The following LSAMP variants were observed in gnomAD, a reference collection of about 807,000 sequenced individuals.
LSAMP encodes limbic system-associated membrane protein.
A neutral mutation model predicts 38.6 loss-of-function variants in LSAMP; 7 were observed. The ratio of observed to expected loss-of-function variants is 0.18; its 90% CI spans 0.10 to 0.34. LSAMP has a LOEUF of 0.34. LSAMP is among the 10% of genes least tolerant of loss of function. The pLI is 1.00. For missense variants in LSAMP, 313 were observed against 420.0 expected, an observed-to-expected ratio of 0.75 and a Z score of 2.23; for synonymous variants, 154 against 166.8, an observed-to-expected ratio of 0.92 and a Z score of 0.59.
At chr3:116,441,286 T>C (rs561762810) in intron 1 of LSAMP, among the ~76,000 whole-genome samples, 1 of 152,310 alleles carries the variant, frequency 6.6e-6, no homozygotes, top group East Asian at 1.9e-4. Flanking sequence ...ATTTAGAATA[T>C]TTAAAATCAC....
At chr3:115,837,446 C>T (rs965475001) in intron 6 of LSAMP, among the ~76,000 whole-genome samples, 18 of 119,610 alleles carry the variant, frequency 1.5e-4, no homozygotes, top group African/African-American at 4.5e-4. Flanking sequence ...CTAGACCAAA[C>T]GCTGACTACT....
At chr3:116,225,989 C>A (rs2046338046) in intron 1 of LSAMP, among the ~76,000 whole-genome samples, 1 of 152,166 alleles carries the variant, frequency 6.6e-6, no homozygotes, top group Non-Finnish European at 1.5e-5. Context: ...GTGCATCTTT[C>A]TGTCTGCTTT....
chr3:115,998,197 G>A (rs1199218487), intron 3 of LSAMP, among the ~76,000 whole-genome samples: 1 of 151,878 alleles, frequency 6.6e-6, no homozygotes. Context: ...GTGATAGAGA[G>A]TGACCAAATT....
At chr3:115,920,885 C>CGT (rs1937366350) in intron 3 of LSAMP, among the ~76,000 whole-genome samples, 2 of 148,612 alleles carry the variant, frequency 1.3e-5, no homozygotes, top group Non-Finnish European at 3.0e-5. Context: ...ATGTTGGGTG[C>CGT]ATATATATAT....
chr3:116,104,306 A>G (rs928536894), intron 1 of LSAMP, among the ~76,000 whole-genome samples: 2 of 152,172 alleles, frequency 1.3e-5, no homozygotes, highest in Non-Finnish European at 2.9e-5. Context: ...GTTAGCCCCA[A>G]GCAAGGAATA....
At chr3:116,253,119 TAAAG>T (rs1367273856) in intron 1 of LSAMP, among the ~76,000 whole-genome samples, 1 of 152,028 alleles carries the variant, frequency 6.6e-6, no homozygotes. Flanking sequence ...CCTTTCTTCA[TAAAG>T]AGAGAGCTAG....
Position 116,019,556 on chromosome 3 carries a change from C to T in LSAMP, c.473G>A (p.Arg158His), listed in dbSNP as rs868064200. ...NVTLVCMANG[R>H]PEPVITWRHL... ...TCTCCAGGTGATAACAGGTTCAGGA[C>T]GGCCATTGGCCATGCAGACCAGAGT... Residue 158 changes from arginine (R) to histidine (H), a missense_variant, in exon 3 of 7, where the codon CGT (arginine) becomes CAT (histidine). By Grantham distance (29) the Arg-to-His change is conservative. Transcript: ENST00000490035. 4 of 1,612,830 alleles carry T rather than the reference C, an allele frequency of 2.5e-6. No homozygotes were observed. The highest frequency in any genetic ancestry group is 3.4e-6 in the Non-Finnish European group (4 of 1,179,088).
Position 116,038,340 on chromosome 3 carries a change from G to A in LSAMP, c.389-18700C>T, listed in dbSNP as rs1941094337. 1.3e-5 allele frequency among the ~76,000 whole-genome samples: 2 copies of A among 152,116 alleles called. 1 individual carries two copies. The highest frequency in any genetic ancestry group is 1.3e-4 in the Admixed American group (2 of 15,260). ...CTGAAGACGCCAGTGCCACCTGATT[G>A]GAACATCAGAAATAGTGATTTGAAA... On this transcript the variant is annotated intron_variant, in intron 2 of 6. Transcript: ENST00000490035.
chr3:116,203,354 A>AT (rs552426918), intron 1 of LSAMP, among the ~76,000 whole-genome samples: 2 of 150,948 alleles, frequency 1.3e-5, no homozygotes, highest in Non-Finnish European at 2.9e-5. Context: ...TCTTTTCTCA[A>AT]TTTTTTATAC....
chr3:115,989,257 GA>G (rs1047503485), intron 3 of LSAMP, among the ~76,000 whole-genome samples: 3 of 152,030 alleles, frequency 2.0e-5, no homozygotes, highest in African/African-American at 7.2e-5. Context: ...CTGTTCCAAG[GA>G]AATATCAACC....
chr3:116,057,967 A>ACACACCCC (rs1553699985), intron 2 of LSAMP, among the ~76,000 whole-genome samples: 4 of 147,542 alleles, frequency 2.7e-5, no homozygotes, highest in South Asian at 2.1e-4. Context: ...CCACACACAC[A>ACACACCCC]CACACACACA....
intron 1 of LSAMP, among the ~76,000 whole-genome samples, chr3:116,201,576 C>G (rs1254095611): frequency 6.6e-6 from 1 of 152,118 alleles, no homozygotes; most frequent in African/African-American, 2.4e-5. Context: ...TAATGGACCC[C>G]TTAAAATAGC....
chr3:116,209,203 A>G (rs2046117038), intron 1 of LSAMP, among the ~76,000 whole-genome samples: 1 of 152,094 alleles, frequency 6.6e-6, no homozygotes. Flanking sequence ...TTGGAAAGGG[A>G]ACTCCCTGAC....
intron 6 of LSAMP, among the ~76,000 whole-genome samples, chr3:115,817,965 A>G (rs1342188575): frequency 3.3e-5 from 5 of 152,192 alleles, no homozygotes; most frequent in African/African-American, 4.8e-5. Context: ...TAGGATCAAC[A>G]TATTGCATTA....
At chr3:116,209,081 G>T (rs1005875344) in intron 1 of LSAMP, among the ~76,000 whole-genome samples, 5 of 152,220 alleles carry the variant, frequency 3.3e-5, no homozygotes, top group Non-Finnish European at 7.3e-5. Flanking sequence ...CTCTGAGCCA[G>T]GTGCGGGATA....
intron 1 of LSAMP, among the ~76,000 whole-genome samples, chr3:116,248,024 A>G (rs2046625818): frequency 6.6e-6 from 1 of 152,236 alleles, no homozygotes; most frequent in Admixed American, 6.5e-5. Flanking sequence ...TTTCAAGGAC[A>G]TATTCTTTAA....
At chr3:116,206,862 G>GA (rs1014140651) in intron 1 of LSAMP, among the ~76,000 whole-genome samples, 2 of 151,106 alleles carry the variant, frequency 1.3e-5, no homozygotes, top group South Asian at 2.1e-4. Flanking sequence ...CTGTGGTGCT[G>GA]AAAAAAATGT....
At chr3:116,197,826 G>A (rs2045921803) in intron 1 of LSAMP, among the ~76,000 whole-genome samples, 1 of 152,146 alleles carries the variant, frequency 6.6e-6, no homozygotes, top group Non-Finnish European at 1.5e-5. Flanking sequence ...CAGTTCAGTA[G>A]TGGGCAAACA....
intron 3 of LSAMP, among the ~76,000 whole-genome samples, chr3:116,003,233 G>A (rs1053787330): frequency 6.6e-6 from 1 of 152,140 alleles, no homozygotes; most frequent in African/African-American, 2.4e-5. Context: ...AAGCTCAAAT[G>A]TAGGTTAGCC....
Sources: allele counts gnomAD v4.1 joint callset (sites outside exome capture counted in the v4.1 genomes callset), GRCh38; gene constraint gnomAD v4.1.1; transcripts MANE v1.5; gene names NCBI Gene and HGNC (gene_info 2026-07-23, HGNC 2026-07-21).